PI4KA: variants seen among roughly 807,000 people sequenced by gnomAD.
PI4KA encodes the protein phosphatidylinositol 4-kinase alpha, also known as PI4-kinase alpha.
PI4KA carries 122 observed loss-of-function variants against 271.4 expected under a neutral mutation model. The ratio of observed to expected loss-of-function variants is 0.45; its 90% CI spans 0.39 to 0.52. The LOEUF (loss-of-function observed/expected upper bound fraction) is 0.52. Ranked by LOEUF, PI4KA falls within the 20% of genes least tolerant of loss-of-function variation. The pLI is 0.00. For synonymous variants in PI4KA, 1,041 were observed against 1,078.8 expected (o/e 0.96, Z 0.69); for missense variants, 1,969 against 2,769.1 (o/e 0.71, Z 6.48).
intron 36 of PI4KA, among the ~76,000 whole-genome samples, chr22:20,732,418 C>T (rs1021262126): frequency 2.6e-5 from 4 of 152,112 alleles, no homozygotes; most frequent in African/African-American, 7.2e-5. Flanking sequence ...TGTTTTCATT[C>T]GGCATACCCT....
chr22:20,827,776 A>C (rs1247551896), intron 3 of PI4KA, among the ~76,000 whole-genome samples: 1 of 152,010 alleles, frequency 6.6e-6, no homozygotes, highest in Non-Finnish European at 1.5e-5. Context: ...CTCCCTGGTT[A>C]GCTGTATTCC....
intron 4 of PI4KA, among the ~76,000 whole-genome samples, chr22:20,823,288 C>T (rs1375251528): frequency 4.9e-5 from 2 of 41,034 alleles, no homozygotes; most frequent in African/African-American, 6.8e-4. Context: ...AAATTTTATT[C>T]ATAGAAAAAA....
At chr22:20,719,377 G>A (rs1054238860) in intron 43 of PI4KA, among the ~76,000 whole-genome samples, 90 of 151,668 alleles carry the variant, frequency 5.9e-4, no homozygotes, top group African/African-American at 2.2e-3. Context: ...CACCTGAGTT[G>A]CTGGGACTAC....
chr22:20,769,255 C>T (rs1029659476), intron 19 of PI4KA, among the ~76,000 whole-genome samples: 4 of 152,176 alleles, frequency 2.6e-5, no homozygotes, highest in African/African-American at 9.7e-5. Flanking sequence ...CTCTTGAGGA[C>T]GTTGGCTTGA....
At chr22:20,812,012 C>CAAAAA (rs361795) in intron 8 of PI4KA, among the ~76,000 whole-genome samples, 61 of 77,344 alleles carry the variant, frequency 7.9e-4, no homozygotes, top group Non-Finnish European at 1.0e-3. Flanking sequence ...GACTCCATCT[C>CAAAAA]AAAAAAAAAA....
In PI4KA at chr22:20,816,948, A is replaced by C. The variant is rs375819776; in HGVS notation, c.856+1535T>G. Among the ~76,000 whole-genome samples the C allele has an allele frequency of 9.9e-4, 151 of 152,350 alleles. 1 individual carries two copies. The highest frequency in any genetic ancestry group is 3.4e-3 in the African/African-American group (141 of 41,586). ...CAGGAAAAGGGAAGCCTCCAAGGGC[A>C]CATCATGGCCATCCTAAAATGCCCC... is the stretch of plus-strand genomic sequence containing the variant. On this transcript the variant is annotated intron_variant, in intron 7 of 54. Transcript: ENST00000255882.
At chr22:20,808,153 G>A (rs1935773571) in intron 9 of PI4KA, among the ~76,000 whole-genome samples, 1 of 151,984 alleles carries the variant, frequency 6.6e-6, no homozygotes, top group Non-Finnish European at 1.5e-5. Context: ...AGCTGGGCGT[G>A]GTGGTACATG....
At chr22:20,721,457 C>G (rs372731417) in intron 42 of PI4KA, 39 bp from the exon 43 acceptor site, 5 of 1,609,842 alleles carry the variant, frequency 3.1e-6, no homozygotes, top group Non-Finnish European at 4.2e-6. Context: ...AGGCTCGGCC[C>G]TCTCCATGAG....
chr22:20,752,783 G>C (rs1930848253), intron 25 of PI4KA, 120 bp downstream of exon 25: 1 of 1,076,880 alleles, frequency 9.3e-7, no homozygotes, highest in African/African-American at 1.6e-5. Context: ...ACCCTTAGGA[G>C]TTTTCATTCT....
At chr22:20,804,269 T>C (rs1229218721) in intron 12 of PI4KA, 31 bp downstream of exon 12, 3 of 1,444,080 alleles carry the variant, frequency 2.1e-6, no homozygotes, top group Non-Finnish European at 2.9e-6. Flanking sequence ...ACAGGTGGGA[T>C]CTGAGCCTCT....
chr22:20,757,734 G>C (rs1931459090), intron 23 of PI4KA, among the ~76,000 whole-genome samples: 1 of 151,976 alleles, frequency 6.6e-6, no homozygotes, highest in Non-Finnish European at 1.5e-5. Flanking sequence ...AGTAGAGATG[G>C]GGTTTCATCA....
chr22:20,856,511 T>G (rs576193927), intron 1 of PI4KA, among the ~76,000 whole-genome samples: 2 of 151,038 alleles, frequency 1.3e-5, no homozygotes, highest in South Asian at 2.1e-4. Context: ...CTTGGCTCAC[T>G]GCAACCTCTG....
intron 50 of PI4KA, 25 bp from the exon 51 acceptor site, chr22:20,711,486 A>C (rs1925267515): frequency 7.7e-7 from 1 of 1,292,554 alleles, no homozygotes; most frequent in Non-Finnish European, 1.1e-6. Context: ...CCCTGGGCTC[A>C]AAAAGGCCCT....
intron 39 of PI4KA, 117 bp downstream of exon 39, chr22:20,729,196 T>C (rs1424563927): frequency 5.9e-6 from 5 of 841,634 alleles, no homozygotes; most frequent in South Asian, 1.8e-5. Context: ...GACTACTTCC[T>C]GACTATCCTT....
At position 20,759,658 on chromosome 22, in the gene PI4KA, C is replaced by T. The variant is rs528100640; in HGVS notation, c.2791+1646G>A. ...TCCACTCACTGCAAGCTCCACCTCC[C>T]GGGTTCATGCCATTCTCCTGTCTCA... On this transcript the variant is annotated intron_variant, in intron 23 of 54. Transcript: ENST00000255882. Among the ~76,000 whole-genome samples the T allele has an allele frequency of 2.4e-4, 36 of 152,182 alleles. 1 individual carries two copies. Among genetic ancestry groups the T allele is most frequent in the South Asian group, 2.1e-4 (1 of 4,822 alleles).
At chr22:20,789,179 A>G (rs1601503437) in intron 19 of PI4KA, among the ~76,000 whole-genome samples, 1 of 152,214 alleles carries the variant, frequency 6.6e-6, no homozygotes, top group Non-Finnish European at 1.5e-5. Context: ...TGGCTCTGCC[A>G]TCTAGTAGCT....
At chr22:20,821,048 G>T (rs1038333910) in intron 4 of PI4KA, among the ~76,000 whole-genome samples, 1 of 152,184 alleles carries the variant, frequency 6.6e-6, no homozygotes, top group African/African-American at 2.4e-5. Context: ...GTCTGGAAGT[G>T]TAGTGCTCAG....
intron 13 of PI4KA, 53 bp from the exon 14 acceptor site, chr22:20,802,158 A>C: frequency 6.5e-7 from 1 of 1,540,080 alleles, no homozygotes; most frequent in Non-Finnish European, 8.9e-7. Flanking sequence ...ATTTTCCATC[A>C]CCTTCTTTGT....
chr22:20,726,278 A>C, intron 42 of PI4KA: 1 of 475,632 alleles, frequency 2.1e-6, no homozygotes, highest in South Asian at 3.1e-5. Flanking sequence ...TCCACAGAGC[A>C]TGCTTGGGCC....
Sources: gnomAD v4.1 joint callset for allele counts (sites outside exome capture counted in the v4.1 genomes callset) on GRCh38, gnomAD v4.1.1 for gene constraint, MANE v1.5 for transcripts, NCBI Gene and HGNC (gene_info 2026-07-23, HGNC 2026-07-21) for gene names.